ADAM12: variants seen among roughly 807,000 people sequenced by gnomAD.
ADAM12 encodes ADAM metallopeptidase domain 12, also known as disintegrin and metalloproteinase domain-containing protein 12.
Under a neutral mutation model 106.4 loss-of-function variants are expected in ADAM12, and 70 were observed. The observed-to-expected ratio is 0.66, with a 90% confidence interval of 0.54 to 0.80. The LOEUF (loss-of-function observed/expected upper bound fraction) is 0.80. Among genes scored for constraint, ADAM12 ranks in the 30% least tolerant of loss-of-function variants. The pLI is 0.00. For missense variants in ADAM12, 1,010 were observed against 1,171.9 expected (o/e 0.86, Z 2.02); for synonymous variants, 420 against 433.5 (o/e 0.97, Z 0.39).
At position 126,295,887 on chromosome 10, in the gene ADAM12, C is replaced by T. The variant is rs1011057112; in HGVS notation, c.187-16899G>A. Among the ~76,000 whole-genome samples, 8 of 147,052 alleles carry T rather than the reference C, an allele frequency of 5.4e-5. No homozygotes were observed. The East Asian group carries it at 1.3e-3, about 24-fold the overall frequency. Reference sequence around the variant, plus strand: ...AAAATGAACCACTGTCATGAAGTATCGAACAACAGACACACACACACAAAC... The same window carrying T: ...AAAATGAACCACTGTCATGAAGTATTGAACAACAGACACACACACACAAAC... On this transcript the variant is annotated intron_variant, in intron 2 of 22. Transcript: ENST00000448723.
In ADAM12 at chr10:126,258,386, C is replaced by T. The variant is rs775178641; in HGVS notation, c.260+20529G>A. ...CCACCTCACTCATCCCCACTGCCTC[C>T]GTGCCCCACACGCCCCACCCGTGCC... On this transcript the variant is annotated intron_variant, in intron 3 of 22. Coordinates refer to ENST00000448723, the MANE Select transcript of ADAM12 (RefSeq NM_001288973.2). 3.1e-3 allele frequency among the ~76,000 whole-genome samples: 261 copies of T among 82,934 alleles called. 1 individual carries two copies. Among genetic ancestry groups the T allele is most frequent in the Non-Finnish European group, 6.4e-3 (223 of 34,602 alleles). 54.4% of individuals were successfully genotyped at this position (82,934 alleles called of 152,430 possible).
At chr10:126,185,151 G>T (rs1957377844) in intron 3 of ADAM12, among the ~76,000 whole-genome samples, 1 of 152,212 alleles carries the variant, frequency 6.6e-6, no homozygotes, top group African/African-American at 2.4e-5. Context: ...ACCTCTGTGG[G>T]TAACAAATGC....
intron 1 of ADAM12, among the ~76,000 whole-genome samples, chr10:126,340,637 C>T (rs1194498291): frequency 6.6e-6 from 1 of 151,996 alleles, no homozygotes; most frequent in African/African-American, 2.4e-5. Context: ...CCTGATAGCA[C>T]CATCTTCCTC....
intron 3 of ADAM12, among the ~76,000 whole-genome samples, chr10:126,277,204 G>C (rs1163049596): frequency 1.3e-5 from 2 of 152,080 alleles, no homozygotes; most frequent in Admixed American, 1.3e-4. Context: ...AGGGTTATTT[G>C]TTCCCTTCCC....
chr10:126,258,552 C>G (rs932940625), intron 3 of ADAM12, among the ~76,000 whole-genome samples: 2 of 152,226 alleles, frequency 1.3e-5, no homozygotes, highest in Non-Finnish European at 2.9e-5. Flanking sequence ...AGTGGCTTCC[C>G]CTGGTGCAGG....
intron 14 of ADAM12, among the ~76,000 whole-genome samples, chr10:126,057,533 C>T (rs988754650): frequency 1.1e-4 from 16 of 152,118 alleles, no homozygotes; most frequent in African/African-American, 3.6e-4. Context: ...ATGAACCAAA[C>T]TTCTAAGGAC....
At chr10:126,077,573 C>A (rs1032366433) in intron 11 of ADAM12, among the ~76,000 whole-genome samples, 2 of 151,956 alleles carry the variant, frequency 1.3e-5, no homozygotes, top group Admixed American at 6.6e-5. Context: ...AGAATAGAGA[C>A]CCCAGAAATA....
At chr10:126,304,244 T>C (rs1960745077) in intron 2 of ADAM12, among the ~76,000 whole-genome samples, 1 of 131,384 alleles carries the variant, frequency 7.6e-6, no homozygotes, top group South Asian at 2.3e-4. Flanking sequence ...TACAGAAAAC[T>C]AGAATACTGA....
At chr10:126,142,156 G>A (rs536691430) in intron 4 of ADAM12, among the ~76,000 whole-genome samples, 2 of 152,286 alleles carry the variant, frequency 1.3e-5, no homozygotes, top group African/African-American at 4.8e-5. Flanking sequence ...AAGAAAAGCT[G>A]CCGAGACCAG....
chr10:126,012,593 A>G lies in ADAM12; in HGVS notation c.*4686T>C, dbSNP rs1163990490. The G allele has an allele frequency of 3.3e-5, 5 of 152,232 alleles. No homozygotes were observed. Among genetic ancestry groups the G allele is most frequent in the African/African-American group, 4.8e-5 (2 of 41,458 alleles). The allele number at this position is 152,232 out of a possible 1,614,324, so 9.4% of individuals were successfully genotyped here. A position where few individuals can be genotyped will look rare whatever the true frequency, so the allele number is the denominator to read the frequency against. ...GCACTATAAAATTACTTTGCTGTTT[A>G]CGTAACTGTATCTTTAATCTGTACT... On this transcript the variant is annotated 3_prime_UTR_variant, in exon 23 of 23. Transcript: ENST00000448723.
chr10:126,046,703 C>G (rs536634235), intron 16 of ADAM12, among the ~76,000 whole-genome samples: 3 of 146,704 alleles, frequency 2.0e-5, no homozygotes, highest in Non-Finnish European at 4.5e-5. Flanking sequence ...CTTGGGAGGC[C>G]GAGGCAGGAG....
At chr10:126,237,358 T>A (rs919514392) in intron 3 of ADAM12, among the ~76,000 whole-genome samples, 1 of 151,604 alleles carries the variant, frequency 6.6e-6, no homozygotes, top group Non-Finnish European at 1.5e-5. Context: ...ATTCTATTAT[T>A]CTCAGAAAAA....
intron 2 of ADAM12, among the ~76,000 whole-genome samples, chr10:126,313,990 T>C (rs1222740384): frequency 6.6e-6 from 1 of 151,876 alleles, no homozygotes; most frequent in Non-Finnish European, 1.5e-5. Context: ...TCATTCACCA[T>C]GCAACTAGAT....
At position 126,155,289 on chromosome 10, in the gene ADAM12, T is replaced by G. The variant is rs369076470; in HGVS notation, c.277A>C (p.Ser93Arg). Residue 93 changes from serine to arginine, a missense_variant, in exon 4 of 23, where the codon AGT becomes CGT. Coordinates refer to ENST00000448723, the MANE Select transcript of ADAM12 (RefSeq NM_001288973.2). ...TGCAGATAGTGGGTTTCCGTGAAAC[T>G]GCTGGCAATGAGACCTCTGCGGAAA... The part of the protein sequence containing the change: ...LERNEGLIAS[S>R]FTETHYLQDG... The G allele has an allele frequency of 1.2e-5, 19 of 1,614,144 alleles. No homozygotes were observed. The highest frequency in any genetic ancestry group is 7.7e-5 in the South Asian group (7 of 91,080).
intron 8 of ADAM12, among the ~76,000 whole-genome samples, chr10:126,106,068 T>G (rs997988491): frequency 6.6e-6 from 1 of 152,158 alleles, no homozygotes; most frequent in African/African-American, 2.4e-5. Flanking sequence ...CCCCCTTTCC[T>G]GGGGTATGAA....
chr10:126,211,112 A>G (rs1447965082), intron 3 of ADAM12, among the ~76,000 whole-genome samples: 1 of 151,950 alleles, frequency 6.6e-6, no homozygotes, highest in Non-Finnish European at 1.5e-5. Flanking sequence ...GAGTTATGGG[A>G]GCTGCTCTCG....
At chr10:126,248,243 AGG>A (rs1958668182) in intron 3 of ADAM12, among the ~76,000 whole-genome samples, 1 of 152,222 alleles carries the variant, frequency 6.6e-6, no homozygotes, top group Non-Finnish European at 1.5e-5. Flanking sequence ...TTCACATGTC[AGG>A]AATTTGTCTA....
intron 4 of ADAM12, chr10:126,145,730 C>G (rs921622186): frequency 3.3e-5 from 5 of 152,226 alleles, no homozygotes; most frequent in African/African-American, 4.8e-5. Flanking sequence ...GATCAAACAA[C>G]AGAATATATG....
intron 10 of ADAM12, among the ~76,000 whole-genome samples, chr10:126,096,504 T>C (rs1038449462): frequency 6.6e-6 from 1 of 152,246 alleles, no homozygotes; most frequent in Non-Finnish European, 1.5e-5. Flanking sequence ...TATTGGAAAA[T>C]ACAGAAATGG....
Sources: gnomAD v4.1 joint callset for allele counts (sites outside exome capture counted in the v4.1 genomes callset) on GRCh38, gnomAD v4.1.1 for gene constraint, MANE v1.5 for transcripts, NCBI Gene and HGNC (gene_info 2026-07-23, HGNC 2026-07-21) for gene names.